POU6F2: variants seen among roughly 807,000 people sequenced by gnomAD.
POU6F2 encodes the protein POU domain, class 6, transcription factor 2.
Under a neutral mutation model 71.3 loss-of-function variants are expected in POU6F2, and 31 were observed. The observed-to-expected ratio is 0.43, with a 90% CI of 0.33 to 0.59. The LOEUF is 0.59. Ranked by LOEUF, POU6F2 falls within the 20% of genes least tolerant of loss-of-function variation. The probability of loss-of-function intolerance (pLI) is 0.04; values close to 1 mark genes in which losing one functional copy is unlikely to be tolerated. For missense variants in POU6F2, 783 were observed against 856.8 expected (o/e 0.91, Z 1.07); for synonymous variants, 347 against 355.7 (o/e 0.98, Z 0.27).
chr7:39,324,908 G>A (rs1785477468), intron 4 of POU6F2, among the ~76,000 whole-genome samples: 1 of 152,118 alleles, frequency 6.6e-6, no homozygotes, highest in Non-Finnish European at 1.5e-5. Flanking sequence ...TAGTACATAT[G>A]AAAGCCTTTA....
intron 1 of POU6F2, among the ~76,000 whole-genome samples, chr7:38,996,287 C>T (rs746037615): frequency 6.6e-6 from 1 of 151,962 alleles, no homozygotes; most frequent in Non-Finnish European, 1.5e-5. Context: ...GTGATCTGCC[C>T]GCCTCGGCCT....
At chr7:39,259,279 T>C (rs1308139434) in intron 4 of POU6F2, among the ~76,000 whole-genome samples, 3 of 152,224 alleles carry the variant, frequency 2.0e-5, no homozygotes, top group Admixed American at 6.5e-5. Context: ...GGGCAGCTTT[T>C]TAAGCCAACT....
At chr7:39,131,465 G>C (rs1027957154) in intron 2 of POU6F2, among the ~76,000 whole-genome samples, 13 of 152,216 alleles carry the variant, frequency 8.5e-5, no homozygotes, top group African/African-American at 3.1e-4. Flanking sequence ...GCTGCTGCTG[G>C]TCCTCGCTGC....
chr7:39,398,137 A>G (rs781039054), intron 5 of POU6F2, among the ~76,000 whole-genome samples: 159 of 152,266 alleles, frequency 1.0e-3, no homozygotes, highest in Non-Finnish European at 1.9e-3. Context: ...AGTCAGGTAG[A>G]GAGATTTTCA....
At chr7:39,145,802 A>C (rs890977353) in intron 2 of POU6F2, among the ~76,000 whole-genome samples, 4 of 152,154 alleles carry the variant, frequency 2.6e-5, no homozygotes, top group African/African-American at 9.7e-5. Flanking sequence ...TTTAAGAGAG[A>C]GAAAGAATAA....
chr7:39,091,258 A>C (rs1310017270), intron 2 of POU6F2, among the ~76,000 whole-genome samples: 1 of 152,208 alleles, frequency 6.6e-6, no homozygotes, highest in Non-Finnish European at 1.5e-5. Context: ...GGGACAGTGC[A>C]CAATATGTGT....
intron 1 of POU6F2, among the ~76,000 whole-genome samples, chr7:39,037,308 A>G (rs1006437745): frequency 1.4e-4 from 22 of 151,986 alleles, no homozygotes; most frequent in African/African-American, 4.1e-4. Flanking sequence ...AGAAAAATTG[A>G]GCACATAAAT....
intron 2 of POU6F2, among the ~76,000 whole-genome samples, chr7:39,142,706 T>G (rs1221858879): frequency 6.6e-6 from 1 of 152,228 alleles, no homozygotes. Context: ...TAGTATTTGT[T>G]AAATTCCTGC....
At chr7:39,217,005 G>C (rs1456578195) in intron 4 of POU6F2, among the ~76,000 whole-genome samples, 4 of 152,046 alleles carry the variant, frequency 2.6e-5, no homozygotes, top group Non-Finnish European at 2.9e-5. Flanking sequence ...AGTATTACTG[G>C]TAGGTGCCAG....
intron 2 of POU6F2, among the ~76,000 whole-genome samples, chr7:39,148,307 C>T (rs966308967): frequency 1.3e-5 from 2 of 152,184 alleles, no homozygotes; most frequent in African/African-American, 2.4e-5. Context: ...AACTAGTTCA[C>T]CTTCTGATCA....
intron 5 of POU6F2, among the ~76,000 whole-genome samples, chr7:39,386,427 A>G (rs546763743): frequency 1.2e-4 from 19 of 152,324 alleles, no homozygotes; most frequent in African/African-American, 4.6e-4. Context: ...CCGTTCTATT[A>G]TAGCTCCCTC....
At chr7:38,980,335 TA>T (rs1163539856) in intron 1 of POU6F2, among the ~76,000 whole-genome samples, 1 of 152,144 alleles carries the variant, frequency 6.6e-6, no homozygotes, top group Non-Finnish European at 1.5e-5. Context: ...AGTAAGTATT[TA>T]AAAGGAAAGA....
intron 5 of POU6F2, among the ~76,000 whole-genome samples, chr7:39,397,279 G>A (rs1367447845): frequency 6.6e-6 from 1 of 151,084 alleles, no homozygotes; most frequent in Non-Finnish European, 1.5e-5. Flanking sequence ...GTGAGGCTCT[G>A]GCCAGTTGGT....
chr7:39,005,840 C>T (rs758420704), intron 1 of POU6F2, among the ~76,000 whole-genome samples: 48 of 152,030 alleles, frequency 3.2e-4, no homozygotes, highest in Non-Finnish European at 2.5e-4. Flanking sequence ...ATGTTTATAT[C>T]CAGAAACAAT....
chr7:39,155,993 T>G lies in POU6F2; in HGVS notation c.278-48242T>G, dbSNP rs953276954. 4.6e-5 allele frequency among the ~76,000 whole-genome samples: 7 copies of G among 152,290 alleles called. 1 individual carries two copies. The highest frequency in any genetic ancestry group is 1.4e-4 in the African/African-American group (6 of 41,562). Reference sequence around the variant, plus strand: ...CCCAAAATGTAACTCCTATCCTGAATTTGATGGGTCACATTATTTTTCATA... The same window carrying G: ...CCCAAAATGTAACTCCTATCCTGAAGTTGATGGGTCACATTATTTTTCATA... On this transcript the variant is annotated intron_variant, in intron 2 of 9. Coordinates refer to ENST00000518318, the MANE Select transcript of POU6F2 (RefSeq NM_001370959.1).
intron 6 of POU6F2, among the ~76,000 whole-genome samples, chr7:39,418,965 G>GTGTATATA (rs1305055287): frequency 3.7e-5 from 5 of 136,010 alleles, no homozygotes; most frequent in African/African-American, 8.5e-5. Flanking sequence ...GTATATATAT[G>GTGTATATA]TGTATATATG....
intron 4 of POU6F2, among the ~76,000 whole-genome samples, chr7:39,252,975 TC>T (rs1186010398): frequency 2.0e-5 from 3 of 152,140 alleles, no homozygotes; most frequent in South Asian, 2.1e-4. Context: ...GAATGTAAGC[TC>T]CAGCAGGGCC....
At chr7:39,319,714 C>T (rs58167875) in intron 4 of POU6F2, among the ~76,000 whole-genome samples, 1 of 151,924 alleles carries the variant, frequency 6.6e-6, no homozygotes, top group Non-Finnish European at 1.5e-5. Context: ...CATTTTCCAA[C>T]AAGAGGCCAA....
At chr7:39,195,091 CAATT>C (rs1793758375) in intron 2 of POU6F2, among the ~76,000 whole-genome samples, 1 of 152,188 alleles carries the variant, frequency 6.6e-6, no homozygotes, top group Admixed American at 6.5e-5. Context: ...TAGCACATGA[CAATT>C]AAAATTTTTT....
Sources: gnomAD v4.1 joint callset for allele counts (sites outside exome capture counted in the v4.1 genomes callset) on GRCh38, gnomAD v4.1.1 for gene constraint, MANE v1.5 for transcripts, NCBI Gene and HGNC (gene_info 2026-07-23, HGNC 2026-07-21) for gene names.